NAA16: variants seen among roughly 807,000 people sequenced by gnomAD.
The protein encoded by NAA16 is NARG1-like protein.
A neutral mutation model predicts 110.3 loss-of-function variants in NAA16; 97 were observed. That is an observed-to-expected ratio of 0.88 (90% CI 0.75 to 1.04). The LOEUF (loss-of-function observed/expected upper bound fraction) is 1.04, where lower values mean the gene tolerates loss of function less well. Among genes scored for constraint, NAA16 ranks in the 50% least tolerant of loss-of-function variants. The pLI is 0.00. For synonymous variants in NAA16, 372 were observed against 330.6 expected (o/e 1.13, Z -1.36); for missense variants, 1,017 against 1,005.1 (o/e 1.01, Z -0.16).
chr13:41,353,168 G>A (rs957681132), intron 9 of NAA16, among the ~76,000 whole-genome samples: 3 of 145,760 alleles, frequency 2.1e-5, no homozygotes, highest in African/African-American at 7.6e-5. Context: ...ATGCATAAAC[G>A]TCCGCCCTTT....
rs57333303 is a variant in NAA16, at chr13:41,353,113, T to TCAAAACAAAACAAAACAAAA, written c.1015-2023_1015-2004dup. Reference sequence around the variant, plus strand: ...CCTGGTGACAGAGCGAGACTCCATCTCAAAACAAAACAAAACAAAACAAAA... The same window carrying TCAAAACAAAACAAAACAAAA: ...CCTGGTGACAGAGCGAGACTCCATCTCAAAACAAAACAAAACAAAACAAAACAAAACAAAACAAAACAAAA... On this transcript the variant is annotated intron_variant, in intron 9 of 19. Transcript: ENST00000379406. Among the ~76,000 whole-genome samples the TCAAAACAAAACAAAACAAAA allele has an allele frequency of 4.8e-3, 728 of 150,528 alleles. 9 individuals carry two copies. The highest frequency in any genetic ancestry group is 0.016 in the African/African-American group (633 of 40,772).
chr13:41,358,624 A>G, intron 11 of NAA16, 151 bp downstream of exon 11: 1 of 1,446,250 alleles, frequency 6.9e-7, no homozygotes, highest in South Asian at 1.5e-5. Flanking sequence ...TAATTGTATA[A>G]TCAATGTGTA....
At chr13:41,331,983 A>G (rs1295670991) in intron 8 of NAA16, among the ~76,000 whole-genome samples, 2 of 152,150 alleles carry the variant, frequency 1.3e-5, no homozygotes, top group Non-Finnish European at 2.9e-5. Flanking sequence ...CCGTATTTAG[A>G]AGGTAAATTC....
Position 41,367,494 on chromosome 13 carries a change from A to G in NAA16, c.1595A>G (p.Lys532Arg). Reference sequence around the variant, plus strand: ...GACTTCCATACATACTGCATGAGAAAGATGACCCTTCGTGCCTATGTTGAC... The same window carrying G: ...GACTTCCATACATACTGCATGAGAAGGATGACCCTTCGTGCCTATGTTGAC... ...QFDFHTYCMR[K>R]MTLRAYVDLL... The change falls in exon 14 of 20, where the codon AAG becomes AGG. Residue 532 changes from lysine (K) to arginine (R), a missense_variant. Transcript: ENST00000379406. 5.0e-6 allele frequency: 8 copies of G among 1,613,376 alleles called. No individual in the cohort carries two copies. Among genetic ancestry groups the G allele is most frequent in the Non-Finnish European group, 6.8e-6 (8 of 1,179,646 alleles).
intron 5 of NAA16, among the ~76,000 whole-genome samples, chr13:41,324,363 CTTTTTTTTTTT>C (rs71086562): frequency 6.1e-5 from 4 of 66,094 alleles, no homozygotes; most frequent in African/African-American, 1.2e-4. Context: ...TTCTTTCTTT[CTTTTTTTTTTT>C]TTTTTTTTTT....
In NAA16 at chr13:41,362,060, T is replaced by C. The variant is rs554851937; in HGVS notation, c.1440T>C (p.Asn480=). The change falls in exon 13 of 20, where the codon AAT becomes AAC. Residue 480 remains asparagine (N), a synonymous_variant. Transcript: ENST00000379406. Reference sequence around the variant, plus strand: ...GAACATCTGCCATGGAAAATCTAAATGAAATGCAGTGTATGTGGTTTCAGA... The same window carrying C: ...GAACATCTGCCATGGAAAATCTAAACGAAATGCAGTGTATGTGGTTTCAGA... ...REGTSAMENL[N]EMQCMWFQTE... 8 of 1,612,116 alleles carry C rather than the reference T, an allele frequency of 5.0e-6. No individual in the cohort carries two copies. The East Asian group carries it at 1.8e-4, about 36-fold the overall frequency.
chr13:41,363,625 AT>A (rs2043155668), intron 13 of NAA16, among the ~76,000 whole-genome samples: 1 of 152,166 alleles, frequency 6.6e-6, no homozygotes. Context: ...ATGGAAAAAA[AT>A]TCTGTAATGT....
intron 9 of NAA16, among the ~76,000 whole-genome samples, chr13:41,349,167 A>C (rs1198929382): frequency 6.6e-6 from 1 of 150,868 alleles, no homozygotes; most frequent in Non-Finnish European, 1.5e-5. Flanking sequence ...TCTTTTTTCT[A>C]ATTTTTTTTT....
chr13:41,325,019 C>T (rs1434290679), intron 5 of NAA16, among the ~76,000 whole-genome samples: 1 of 128,932 alleles, frequency 7.8e-6, no homozygotes, highest in Admixed American at 9.2e-5. Context: ...AGTGCAGTGG[C>T]GCAATCTTAG....
intron 8 of NAA16, among the ~76,000 whole-genome samples, chr13:41,333,524 A>G (rs1013781875): frequency 1.3e-5 from 2 of 152,140 alleles, no homozygotes; most frequent in African/African-American, 4.8e-5. Flanking sequence ...ATCATACCAT[A>G]TGTGGTCTTT....
chr13:41,343,928 T>G (rs2042618802), intron 9 of NAA16, among the ~76,000 whole-genome samples: 1 of 152,208 alleles, frequency 6.6e-6, no homozygotes, highest in South Asian at 2.1e-4. Flanking sequence ...TGCCTTGGCC[T>G]CCCAAAGTGC....
intron 9 of NAA16, among the ~76,000 whole-genome samples, chr13:41,350,062 T>C (rs995170889): frequency 6.6e-6 from 1 of 151,498 alleles, no homozygotes; most frequent in Non-Finnish European, 1.5e-5. Context: ...GGCAGGAGGA[T>C]TGCTTGAGCT....
intron 9 of NAA16, among the ~76,000 whole-genome samples, chr13:41,346,107 A>G (rs1269821177): frequency 6.6e-6 from 1 of 152,154 alleles, no homozygotes; most frequent in Non-Finnish European, 1.5e-5. Context: ...ATTTATAAAC[A>G]TGTTTACTTG....
At chr13:41,359,483 A>C (rs144687619) in intron 12 of NAA16, among the ~76,000 whole-genome samples, 1 of 152,292 alleles carries the variant, frequency 6.6e-6, no homozygotes, top group Non-Finnish European at 1.5e-5. Context: ...GTTATAATAC[A>C]TGTTTATGGT....
chr13:41,318,807 G>T lies in NAA16; in HGVS notation c.141G>T (p.Glu47Asp), dbSNP rs770103781. 39 of 1,531,690 alleles carry T rather than the reference G, an allele frequency of 2.5e-5. No homozygotes were observed. Among genetic ancestry groups the T allele is most frequent in the Non-Finnish European group, 3.1e-5 (35 of 1,138,008 alleles). 94.9% of individuals were successfully genotyped at this position (1,531,690 alleles called of 1,614,324 possible). Residue 47 changes from glutamate (E) to aspartate (D), a missense_variant and splice_region_variant, in exon 3 of 20, where the codon GAG becomes GAT. By Grantham distance (45) the Glu-to-Asp change is conservative (BLOSUM62 2). Transcript: ENST00000379406. ...LSNPKFAEHGETLAMKGLTLN... is the reference protein window; with the variant it reads ...LSNPKFAEHGDTLAMKGLTLN... ...TAGAGTTTAAAAATTATTTTTCAGA[G>T]ACTTTGGCTATGAAAGGATTAACAC...
chr13:41,372,448 C>T (rs571074744), intron 16 of NAA16, 137 bp downstream of exon 16: 31 of 1,341,122 alleles, frequency 2.3e-5, no homozygotes, highest in East Asian at 1.4e-4. Context: ...CTTGGCTACT[C>T]GAAACTTAGG....
intron 9 of NAA16, among the ~76,000 whole-genome samples, chr13:41,342,754 A>G (rs1188837071): frequency 6.6e-6 from 1 of 152,182 alleles, no homozygotes; most frequent in African/African-American, 2.4e-5. Context: ...AGTGAGTGAG[A>G]TGTTTGACCA....
Position 41,375,537 on chromosome 13 carries a change from G to A in NAA16, c.2530G>A (p.Val844Ile). Residue 844 changes from valine to isoleucine, a missense_variant, in exon 20 of 20, where the codon GTC becomes ATC. Physicochemically the swap from Val to Ile is conservative, Grantham distance 29 (BLOSUM62 3). Transcript: ENST00000379406. ...TGCCTTCTTGCCTGCTGTGAATGAA[G>A]TCGACAATCCTAATGTGGCACTGAA... Reference protein sequence around the residue: ...TSAFLPAVNEVDNPNVALNHT... With the variant: ...TSAFLPAVNEIDNPNVALNHT... 6.2e-7 allele frequency: 1 copy of A among 1,614,118 alleles called. No homozygotes were observed. Among genetic ancestry groups the A allele is most frequent in the Non-Finnish European group, 8.5e-7 (1 of 1,180,002 alleles).
At chr13:41,371,271 A>T (rs2043311194) in intron 15 of NAA16, among the ~76,000 whole-genome samples, 1 of 152,258 alleles carries the variant, frequency 6.6e-6, no homozygotes, top group African/African-American at 2.4e-5. Context: ...GGTTCTGATT[A>T]TTCAAGACTG....
Sources: allele counts gnomAD v4.1 joint callset (sites outside exome capture counted in the v4.1 genomes callset), GRCh38; gene constraint gnomAD v4.1.1; transcripts MANE v1.5; gene names NCBI Gene and HGNC (gene_info 2026-07-23, HGNC 2026-07-21).